The following CEP112 variants were observed in gnomAD, a reference collection of about 807,000 sequenced individuals.
The protein encoded by CEP112 is centrosomal protein of 112 kDa.
In CEP112, 127 loss-of-function variants were observed where a neutral mutation model predicts 153.0. That is an observed-to-expected ratio of 0.83 (90% CI 0.72 to 0.96). The LOEUF is 0.96. CEP112 is among the 40% of genes least tolerant of loss of function. The pLI is 0.00. For synonymous variants in CEP112, 358 were observed against 374.4 expected (o/e 0.96, Z 0.51); for missense variants, 1,089 against 1,101.2 (o/e 0.99, Z 0.16).
Position 66,129,793 on chromosome 17 carries a change from A to G in CEP112, c.595T>C (p.Leu199=). 6.2e-7 allele frequency: 1 copy of G among 1,612,548 alleles called. No homozygotes were observed. Among genetic ancestry groups the G allele is most frequent in the Non-Finnish European group, 8.5e-7 (1 of 1,179,282 alleles). ...CGAGCTTCAATGTCACTATCATCCA[A>G]AGAAACAGGAGATTTTTTCGAATAA... The part of the protein sequence containing the change: ...EVYSKKSPVS[L]DDSDIEARLN... The change falls in exon 6 of 27, where the codon TTG becomes CTG. Residue 199 remains leucine (L), a synonymous_variant. Coordinates refer to ENST00000535342, the MANE Select transcript of CEP112 (RefSeq NM_001199165.4).
chr17:65,881,842 C>T (rs2059087949), intron 20 of CEP112, among the ~76,000 whole-genome samples: 1 of 152,180 alleles, frequency 6.6e-6, no homozygotes, highest in African/African-American at 2.4e-5. Context: ...TTCTGAACTG[C>T]ATTTTGAGGA....
At chr17:66,038,666 G>C (rs1390095264) in intron 12 of CEP112, among the ~76,000 whole-genome samples, 1 of 152,124 alleles carries the variant, frequency 6.6e-6, no homozygotes, top group Non-Finnish European at 1.5e-5. Flanking sequence ...ACAGAATCAG[G>C]GAAGAAATAA....
intron 20 of CEP112, among the ~76,000 whole-genome samples, chr17:65,898,495 A>G (rs540692401): frequency 1.3e-5 from 2 of 152,278 alleles, no homozygotes; most frequent in Non-Finnish European, 2.9e-5. Flanking sequence ...ACATTTCGGA[A>G]TCAGTGATAA....
intron 21 of CEP112, among the ~76,000 whole-genome samples, chr17:65,784,660 TA>T (rs1318908292): frequency 6.6e-6 from 1 of 152,128 alleles, no homozygotes; most frequent in Non-Finnish European, 1.5e-5. Context: ...TTTGTATTTT[TA>T]GTAGAGACGG....
chr17:65,974,607 AC>A (rs1454052598), intron 17 of CEP112, among the ~76,000 whole-genome samples: 2 of 152,214 alleles, frequency 1.3e-5, no homozygotes, highest in Admixed American at 1.3e-4. Flanking sequence ...CAACCTGTAT[AC>A]CCATATGTAG....
At chr17:65,650,031 C>T (rs1331966258) in intron 24 of CEP112, among the ~76,000 whole-genome samples, 1 of 152,230 alleles carries the variant, frequency 6.6e-6, no homozygotes, top group Non-Finnish European at 1.5e-5. Flanking sequence ...TATCCACCTG[C>T]TAACCTCCTG....
At chr17:66,100,586 T>C (rs2068530617) in intron 6 of CEP112, among the ~76,000 whole-genome samples, 1 of 151,910 alleles carries the variant, frequency 6.6e-6, no homozygotes, top group African/African-American at 2.4e-5. Flanking sequence ...AATAAATGTA[T>C]AATTGGATTC....
At chr17:66,022,240 G>T (rs746528961) in intron 16 of CEP112, among the ~76,000 whole-genome samples, 1 of 151,908 alleles carries the variant, frequency 6.6e-6, no homozygotes, top group Non-Finnish European at 1.5e-5. Flanking sequence ...AGTTATATCC[G>T]CAAGAAAAAA....
intron 20 of CEP112, among the ~76,000 whole-genome samples, chr17:65,878,329 T>G (rs558994055): frequency 6.6e-6 from 1 of 152,190 alleles, no homozygotes; most frequent in Non-Finnish European, 1.5e-5. Flanking sequence ...ATCTTAAACA[T>G]ATAAAGCTAT....
At chr17:66,039,154 T>C (rs1384258095) in intron 12 of CEP112, among the ~76,000 whole-genome samples, 1 of 152,206 alleles carries the variant, frequency 6.6e-6, no homozygotes, top group Non-Finnish European at 1.5e-5. Context: ...GGAAAGGGTA[T>C]TATTTTGGTA....
At chr17:65,749,234 C>CCACCGCACCT (rs1567957496) in intron 22 of CEP112, among the ~76,000 whole-genome samples, 1 of 152,028 alleles carries the variant, frequency 6.6e-6, no homozygotes, top group African/African-American at 2.4e-5. Context: ...AGGCCAGGTG[C>CCACCGCACCT]GGTGGCTCAT....
intron 23 of CEP112, among the ~76,000 whole-genome samples, chr17:65,691,204 A>G (rs1413912502): frequency 6.6e-6 from 1 of 152,196 alleles, no homozygotes; most frequent in Non-Finnish European, 1.5e-5. Flanking sequence ...AGTTGGCTTC[A>G]GTTTGAAATG....
chr17:65,962,832 C>T (rs2062261266), intron 17 of CEP112, among the ~76,000 whole-genome samples: 1 of 152,194 alleles, frequency 6.6e-6, no homozygotes, highest in African/African-American at 2.4e-5. Context: ...CTCCTCCTTG[C>T]CTTCCGCCAT....
chr17:65,822,213 A>G (rs2056623830), intron 21 of CEP112, among the ~76,000 whole-genome samples: 1 of 152,046 alleles, frequency 6.6e-6, no homozygotes. Context: ...AAAAACATAG[A>G]TCACTTTTCC....
At chr17:65,973,517 G>A (rs1172652819) in intron 17 of CEP112, among the ~76,000 whole-genome samples, 1 of 152,156 alleles carries the variant, frequency 6.6e-6, no homozygotes, top group African/African-American at 2.4e-5. Context: ...AACATCATTA[G>A]TCACTAGGAA....
chr17:65,929,078 T>C (rs914365599), intron 18 of CEP112, among the ~76,000 whole-genome samples: 3 of 152,196 alleles, frequency 2.0e-5, no homozygotes, highest in South Asian at 4.1e-4. Context: ...TTAAAGGGTA[T>C]GGTGTTTCTT....
At chr17:66,113,220 G>A (rs997159657) in intron 6 of CEP112, among the ~76,000 whole-genome samples, 25 of 110,392 alleles carry the variant, frequency 2.3e-4, no homozygotes, top group South Asian at 2.5e-4. Context: ...AATATGCATC[G>A]TCATATATAC....
intron 4 of CEP112, among the ~76,000 whole-genome samples, chr17:66,151,746 G>C (rs1410640762): frequency 1.3e-5 from 2 of 152,094 alleles, no homozygotes; most frequent in Non-Finnish European, 2.9e-5. Flanking sequence ...GCAAGGACCT[G>C]AATCCTATTA....
intron 20 of CEP112, among the ~76,000 whole-genome samples, chr17:65,890,010 C>T (rs1003032841): frequency 5.3e-4 from 81 of 152,096 alleles, no homozygotes; most frequent in African/African-American, 1.2e-3. Flanking sequence ...ATATACAGTG[C>T]GCGTATATAT....
Sources: allele counts gnomAD v4.1 joint callset (sites outside exome capture counted in the v4.1 genomes callset), GRCh38; gene constraint gnomAD v4.1.1; transcripts MANE v1.5; gene names NCBI Gene and HGNC (gene_info 2026-07-23, HGNC 2026-07-21).